The following SLC4A8 variants were observed in gnomAD, a reference collection of about 807,000 sequenced individuals.
The protein encoded by SLC4A8 is electroneutral sodium bicarbonate exchanger 1.
Under a neutral mutation model 125.0 loss-of-function variants are expected in SLC4A8, and 40 were observed. The observed-to-expected ratio is 0.32, with a 90% CI of 0.25 to 0.42. The LOEUF (loss-of-function observed/expected upper bound fraction) is 0.42, where lower values mean the gene tolerates loss of function less well. SLC4A8 is among the 10% of genes least tolerant of loss of function. SLC4A8 has a pLI of 1.00. For missense variants in SLC4A8, 863 were observed against 1,355.1 expected (o/e 0.64, Z 5.70); for synonymous variants, 456 against 476.0 (o/e 0.96, Z 0.55).
intron 13 of SLC4A8, 60 bp from the exon 14 acceptor site, chr12:51,471,227 A>G (rs1950686207): frequency 6.6e-7 from 1 of 1,520,224 alleles, no homozygotes; most frequent in Non-Finnish European, 8.9e-7. Context: ...CACATTTCTG[A>G]CTCCTTGTCT....
At chr12:51,397,157 T>TGACCTCGTGATCCGCC (rs1402810780) in intron 1 of SLC4A8, among the ~76,000 whole-genome samples, 1 of 152,116 alleles carries the variant, frequency 6.6e-6, no homozygotes, top group Non-Finnish European at 1.5e-5. Context: ...CTTGAACTCC[T>TGACCTCGTGATCCGCC]GACCTCGTGA....
intron 15 of SLC4A8, 102 bp downstream of exon 15, chr12:51,474,549 T>G: frequency 2.7e-6 from 4 of 1,481,850 alleles, no homozygotes; most frequent in Non-Finnish European, 3.6e-6. Context: ...ACTCTGGCAT[T>G]TACCGAAATA....
chr12:51,458,060 G>GT (rs1950210654), intron 6 of SLC4A8, among the ~76,000 whole-genome samples: 1 of 152,110 alleles, frequency 6.6e-6, no homozygotes, highest in Admixed American at 6.5e-5. Flanking sequence ...TCCATTTATT[G>GT]TGAACTTCAA....
intron 1 of SLC4A8, among the ~76,000 whole-genome samples, chr12:51,404,881 G>C (rs942797377): frequency 2.0e-5 from 3 of 150,124 alleles, no homozygotes; most frequent in African/African-American, 7.4e-5. Flanking sequence ...TGTTTTGATT[G>C]AAATTTGTTT....
At chr12:51,433,825 T>C (rs967746314) in intron 1 of SLC4A8, among the ~76,000 whole-genome samples, 2 of 151,404 alleles carry the variant, frequency 1.3e-5, no homozygotes, top group Non-Finnish European at 2.9e-5. Context: ...ACCCATGACT[T>C]GGCGTCAACA....
intron 1 of SLC4A8, among the ~76,000 whole-genome samples, chr12:51,436,404 C>T (rs903650051): frequency 3.9e-5 from 6 of 152,136 alleles, no homozygotes; most frequent in Non-Finnish European, 4.4e-5. Context: ...TTTATACCAT[C>T]AATTTGACCT....
upstream of SLC4A8, among the ~76,000 whole-genome samples, chr12:51,421,127 C>G: frequency 6.6e-6 from 1 of 152,164 alleles, no homozygotes; most frequent in South Asian, 2.1e-4. Context: ...CAAGAAGGCT[C>G]TGAATTCTGT....
chr12:51,479,699 AG>A (rs55876426), intron 16 of SLC4A8, among the ~76,000 whole-genome samples: 8,347 of 49,298 alleles, frequency 0.17, 630 homozygotes, highest in African/African-American at 0.33. Context: ...AAAAAAAAAA[AG>A]AAATGTGGAC....
chr12:51,503,902 A>T, intron 22 of SLC4A8, 127 bp from the exon 23 acceptor site: 3 of 587,516 alleles, frequency 5.1e-6, no homozygotes, highest in Non-Finnish European at 8.9e-6. Flanking sequence ...AGTCTATGAA[A>T]GAACCTAATT....
chr12:51,440,156 A>G (rs574290030), intron 1 of SLC4A8, among the ~76,000 whole-genome samples: 48 of 151,812 alleles, frequency 3.2e-4, no homozygotes, highest in Non-Finnish European at 5.3e-4. Flanking sequence ...AAGGAGACCA[A>G]TCTACACCAA....
upstream of SLC4A8, among the ~76,000 whole-genome samples, chr12:51,422,358 C>A (rs897359573): frequency 5.3e-5 from 8 of 152,022 alleles, no homozygotes; most frequent in African/African-American, 1.9e-4. Context: ...TTGATCACAG[C>A]CTTTTATTTT....
chr12:51,477,207 A>T (rs959270525), intron 16 of SLC4A8, among the ~76,000 whole-genome samples: 1 of 152,092 alleles, frequency 6.6e-6, no homozygotes, highest in East Asian at 1.9e-4. Context: ...CCCAACCAAT[A>T]CAGCATTTTC....
intron 22 of SLC4A8, 34 bp downstream of exon 22, chr12:51,497,158 G>A: frequency 6.3e-7 from 1 of 1,583,476 alleles, no homozygotes. Flanking sequence ...ATACCTGGGG[G>A]CCTCAAATTA....
chr12:51,488,542 AT>A (rs1362624598), intron 17 of SLC4A8, among the ~76,000 whole-genome samples, 156 bp from the exon 18 acceptor site: 1 of 146,584 alleles, frequency 6.8e-6, no homozygotes, highest in Non-Finnish European at 1.5e-5. Flanking sequence ...AAGGTCATAG[AT>A]TTCCTAAGGA....
chr12:51,393,656 A>G (rs1206536911), intron 1 of SLC4A8, among the ~76,000 whole-genome samples: 1 of 152,232 alleles, frequency 6.6e-6, no homozygotes, highest in Non-Finnish European at 1.5e-5. Flanking sequence ...ACACATGATC[A>G]GAGTGACGTG....
intron 16 of SLC4A8, among the ~76,000 whole-genome samples, chr12:51,484,066 A>G (rs1187950795): frequency 1.3e-5 from 2 of 151,930 alleles, no homozygotes; most frequent in African/African-American, 4.8e-5. Flanking sequence ...AAGGACATGA[A>G]CTCATCCTTT....
intron 16 of SLC4A8, chr12:51,480,672 A>T (rs576263833): frequency 2.0e-6 from 2 of 980,148 alleles, no homozygotes; most frequent in African/African-American, 3.5e-5. Flanking sequence ...CAGAAATCCA[A>T]TTTGGCTCAG....
chr12:51,436,652 A>T (rs1257792417), intron 1 of SLC4A8, among the ~76,000 whole-genome samples: 2 of 152,030 alleles, frequency 1.3e-5, no homozygotes, highest in Non-Finnish European at 2.9e-5. Flanking sequence ...TTTGAGATGG[A>T]GTCTCACTCT....
chr12:51,425,206 G>T, intron 1 of SLC4A8, 171 bp downstream of exon 1: 1 of 1,408,332 alleles, frequency 7.1e-7, no homozygotes, highest in South Asian at 1.5e-5. Context: ...TGGGGACCAG[G>T]CCAGGGCTGC....
Sources: gnomAD v4.1 joint callset for allele counts (sites outside exome capture counted in the v4.1 genomes callset) on GRCh38, gnomAD v4.1.1 for gene constraint, MANE v1.5 for transcripts, NCBI Gene and HGNC (gene_info 2026-07-23, HGNC 2026-07-21) for gene names.